The following DTL variants were observed in gnomAD, a reference collection of about 807,000 sequenced individuals.
DTL encodes the protein denticleless E3 ubiquitin protein ligase adapter.
DTL carries 46 observed loss-of-function variants against 87.0 expected under a neutral mutation model. The observed-to-expected ratio is 0.53, with a 90% CI of 0.42 to 0.68. The LOEUF is 0.68. Among genes scored for constraint, DTL ranks in the 30% least tolerant of loss-of-function variants. The pLI is 0.00. For missense variants in DTL, 737 were observed against 869.4 expected (o/e 0.85, Z 1.91); for synonymous variants, 308 against 311.2 (o/e 0.99, Z 0.11).
chr1:212,094,924 T>C (rs1358934728), intron 13 of DTL, among the ~76,000 whole-genome samples: 1 of 152,220 alleles, frequency 6.6e-6, no homozygotes, highest in Non-Finnish European at 1.5e-5. Context: ...TACTACTGAT[T>C]TATGTACATT....
rs758768497 is a variant in DTL at position 212,047,158 on chromosome 1, G to A, written c.285G>A (p.Met95Ile). The change falls in exon 4 of 15, where the codon ATG becomes ATA. Residue 95 changes from methionine (M) to isoleucine (I), a missense_variant. By Grantham distance (10) the Met-to-Ile change is conservative. Transcript: ENST00000366991. ...ACCATTTTCTTTGTTTAGAATGGAT[G>A]GCTCACTGGAATGCCGTCTTTGACC... ...SFRKKCFKEW[M>I]AHWNAVFDLA... 6.2e-7 allele frequency: 1 copy of A among 1,614,062 alleles called. No homozygotes were observed. Among genetic ancestry groups the A allele is most frequent in the Non-Finnish European group, 8.5e-7 (1 of 1,179,924 alleles).
intron 11 of DTL, among the ~76,000 whole-genome samples, chr1:212,075,052 C>CT (rs1216906908): frequency 6.6e-6 from 1 of 152,110 alleles, no homozygotes; most frequent in Non-Finnish European, 1.5e-5. Context: ...TATAAATAAA[C>CT]TGATTTGGCA....
chr1:212,080,859 A>G, intron 13 of DTL, 109 bp downstream of exon 13: 1 of 1,183,586 alleles, frequency 8.4e-7, no homozygotes, highest in Non-Finnish European at 1.2e-6. Flanking sequence ...TTTAAAGAAA[A>G]GCACTATCTT....
chr1:212,047,568 T>C lies in DTL; in HGVS notation c.460+151T>C, dbSNP rs181900943. On this transcript the variant is annotated intron_variant, in intron 5 of 14. Transcript: ENST00000366991. Reference sequence around the variant, plus strand: ...TCTTTTTTTGGAGACAGTTTCGTTCTGTTGCCCAGGCTGGAGTGCAGTGGC... The same window carrying C: ...TCTTTTTTTGGAGACAGTTTCGTTCCGTTGCCCAGGCTGGAGTGCAGTGGC... 70 of 1,120,740 alleles carry C rather than the reference T, an allele frequency of 6.2e-5. No individual in the cohort carries two copies. In the Middle Eastern group the frequency reaches 8.8e-4, roughly 14 times the overall value. The allele number at this position is 1,120,740 out of a possible 1,614,324, so 69.4% of individuals were successfully genotyped here.
At chr1:212,041,943 T>A (rs911109366) in intron 1 of DTL, among the ~76,000 whole-genome samples, 1 of 152,196 alleles carries the variant, frequency 6.6e-6, no homozygotes, top group Non-Finnish European at 1.5e-5. Flanking sequence ...TTCATTCAGA[T>A]TATGTCTATG....
rs768470465 is a variant in DTL, at chr1:212,042,973, A to G, written c.53-20A>G. 8.2e-6 allele frequency: 13 copies of G among 1,575,910 alleles called. No individual in the cohort carries two copies. Among genetic ancestry groups the G allele is most frequent in the Middle Eastern group, 1.7e-4 (1 of 5,938 alleles). On this transcript the variant is annotated intron_variant, in intron 1 of 14. Coordinates refer to ENST00000366991, the MANE Select transcript of DTL (RefSeq NM_016448.4). Reference sequence around the variant, plus strand: ...ATGTGATGCTGTATTGGAATTCTATAAGGAATTATCTTGTTTTAGGATGGT... The same window carrying G: ...ATGTGATGCTGTATTGGAATTCTATGAGGAATTATCTTGTTTTAGGATGGT...
chr1:212,039,778 G>A (rs1667583823), intron 1 of DTL, among the ~76,000 whole-genome samples: 1 of 152,144 alleles, frequency 6.6e-6, no homozygotes, highest in African/African-American at 2.4e-5. Context: ...GTAAGTATTT[G>A]TGTATTTAAA....
At position 212,050,733 on chromosome 1, in the gene DTL, G is replaced by A. The variant is rs117233128; in HGVS notation, c.460+3316G>A. ...GTTTCTCCTTAGGAGAAGATATTTG[G>A]CCTATTTTCCCAAATATCTTAACCC... is the stretch of plus-strand genomic sequence containing the variant. On this transcript the variant is annotated intron_variant, in intron 5 of 14. Coordinates refer to ENST00000366991, the MANE Select transcript of DTL (RefSeq NM_016448.4). Among the ~76,000 whole-genome samples, 376 of 65,440 alleles carry A rather than the reference G, an allele frequency of 5.7e-3. 15 individuals are homozygous for A. In the East Asian group the frequency reaches 0.11, roughly 19 times the overall value. 42.9% of individuals were successfully genotyped at this position (65,440 alleles called of 152,430 possible).
intron 13 of DTL, among the ~76,000 whole-genome samples, chr1:212,085,682 T>C (rs567201211): frequency 1.2e-4 from 19 of 152,356 alleles, no homozygotes; most frequent in South Asian, 4.1e-4. Flanking sequence ...TTGTCACTTA[T>C]GCTTTTGATG....
chr1:212,099,909 A>G (rs930236796), intron 13 of DTL, among the ~76,000 whole-genome samples: 3 of 152,170 alleles, frequency 2.0e-5, no homozygotes, highest in African/African-American at 7.2e-5. Flanking sequence ...TCATTTTTGT[A>G]AAGAAAAAAG....
At chr1:212,066,343 C>T (rs1340930935) in intron 7 of DTL, among the ~76,000 whole-genome samples, 4 of 152,192 alleles carry the variant, frequency 2.6e-5, no homozygotes, top group Non-Finnish European at 4.4e-5. Flanking sequence ...GCCAAGATAA[C>T]TTGTTAAGTA....
chr1:212,054,408 A>ACAC (rs201710314), intron 5 of DTL, among the ~76,000 whole-genome samples: 3 of 127,046 alleles, frequency 2.4e-5, no homozygotes, highest in African/African-American at 8.6e-5. Flanking sequence ...CCACACACAC[A>ACAC]AAAAAAAAAA....
chr1:212,050,954 A>G (rs997590866), intron 5 of DTL, among the ~76,000 whole-genome samples: 1 of 152,052 alleles, frequency 6.6e-6, no homozygotes, highest in African/African-American at 2.4e-5. Context: ...CTTTTATAGA[A>G]TTTCAATAAA....
At chr1:212,086,267 CGTT>C (rs1250042089) in intron 13 of DTL, among the ~76,000 whole-genome samples, 1 of 151,852 alleles carries the variant, frequency 6.6e-6, no homozygotes, top group African/African-American at 2.4e-5. Context: ...TATTGCCTGT[CGTT>C]ATATGTACTT....
chr1:212,085,166 TG>T (rs1324870957), intron 13 of DTL, among the ~76,000 whole-genome samples: 2 of 152,220 alleles, frequency 1.3e-5, no homozygotes, highest in Non-Finnish European at 2.9e-5. Context: ...AATGCATGGC[TG>T]TGGAACCCAG....
intron 5 of DTL, among the ~76,000 whole-genome samples, chr1:212,049,365 C>A (rs1363966135): frequency 6.6e-6 from 1 of 152,098 alleles, no homozygotes; most frequent in African/African-American, 2.4e-5. Flanking sequence ...TGCTTGTGTT[C>A]TAGTTTTCTA....
At chr1:212,035,991 C>T (rs368167607) in intron 1 of DTL, 49 bp downstream of exon 1, 43 of 1,586,206 alleles carry the variant, frequency 2.7e-5, no homozygotes, top group East Asian at 2.0e-4. Flanking sequence ...ATTCATTTCC[C>T]CCGAAACACA....
chr1:212,042,895 C>A, intron 1 of DTL, 98 bp from the exon 2 acceptor site: 6 of 1,193,466 alleles, frequency 5.0e-6, no homozygotes, highest in Non-Finnish European at 6.9e-6. Flanking sequence ...ATGTTAATAT[C>A]TAAAGTTTCT....
intron 6 of DTL, among the ~76,000 whole-genome samples, chr1:212,063,355 C>T (rs1654395152): frequency 6.7e-6 from 1 of 150,220 alleles, no homozygotes; most frequent in Non-Finnish European, 1.5e-5. Flanking sequence ...GTGGCGTGAA[C>T]TTGGCTCACT....
Sources: allele counts gnomAD v4.1 joint callset (sites outside exome capture counted in the v4.1 genomes callset), GRCh38; gene constraint gnomAD v4.1.1; transcripts MANE v1.5; gene names NCBI Gene and HGNC (gene_info 2026-07-23, HGNC 2026-07-21).